Variants in CSGALNACT1 observed in about 807,000 individuals in gnomAD.
CSGALNACT1 encodes the protein beta4GalNAcT-1.
Under a neutral mutation model 51.0 loss-of-function variants are expected in CSGALNACT1, and 52 were observed. That is an observed-to-expected ratio of 1.02 (90% CI 0.82 to 1.29). The LOEUF (loss-of-function observed/expected upper bound fraction) is 1.29, where lower values mean the gene tolerates loss of function less well. Ranked by LOEUF, CSGALNACT1 falls within the 50% of genes most tolerant of loss-of-function variation. The pLI, the probability that CSGALNACT1 is intolerant of heterozygous loss-of-function variation, is 0.00. For synonymous variants in CSGALNACT1, 341 were observed against 254.4 expected, an observed-to-expected ratio of 1.34 and a Z score of -3.24; for missense variants, 935 against 679.2, an observed-to-expected ratio of 1.38 and a Z score of -4.19.
At chr8:19,706,409 A>T (rs1196677420) in intron 1 of CSGALNACT1, among the ~76,000 whole-genome samples, 1 of 152,164 alleles carries the variant, frequency 6.6e-6, no homozygotes, top group South Asian at 2.1e-4. Flanking sequence ...GGGGAAACCT[A>T]AGAGAGCAGT....
At position 19,679,225 on chromosome 8, in the gene CSGALNACT1, C is replaced by G. The variant is rs538385405; in HGVS notation, c.-544+3248G>C. On this transcript the variant is annotated intron_variant, in intron 1 of 9. Transcript: ENST00000332246. ...CCCAGCACTTTGGGAGGCCGAGTAACGTGGATCGCTTGAGCTCAGGAGTTC... is the reference window on the plus strand; with the variant it reads ...CCCAGCACTTTGGGAGGCCGAGTAAGGTGGATCGCTTGAGCTCAGGAGTTC... 2.6e-5 allele frequency among the ~76,000 whole-genome samples: 4 copies of G among 152,062 alleles called. 1 individual carries two copies. In the East Asian group the frequency reaches 7.7e-4, roughly 29 times the overall value.
chr8:19,633,948 C>T (rs886956124), intron 1 of CSGALNACT1, among the ~76,000 whole-genome samples: 2 of 152,102 alleles, frequency 1.3e-5, no homozygotes, highest in Non-Finnish European at 1.5e-5. Flanking sequence ...AGACTTCTTT[C>T]CCAACCGAGG....
At chr8:19,538,876 C>T (rs1441616587) in intron 3 of CSGALNACT1, among the ~76,000 whole-genome samples, 7 of 152,060 alleles carry the variant, frequency 4.6e-5, no homozygotes, top group African/African-American at 1.7e-4. Flanking sequence ...TCAACCTTGC[C>T]GCTGAGCTAG....
intron 1 of CSGALNACT1, among the ~76,000 whole-genome samples, chr8:19,621,084 C>A (rs2053765717): frequency 6.6e-6 from 1 of 152,020 alleles, no homozygotes; most frequent in Non-Finnish European, 1.5e-5. Context: ...TCAGGAAAAC[C>A]ATAATAAAGA....
At chr8:19,682,072 T>G (rs766615310) in intron 1 of CSGALNACT1, among the ~76,000 whole-genome samples, 2 of 152,156 alleles carry the variant, frequency 1.3e-5, no homozygotes, top group Non-Finnish European at 2.9e-5. Context: ...GACAAGAAAC[T>G]TGAGGAGTCT....
chr8:19,579,761 C>G (rs2045148492), intron 3 of CSGALNACT1, among the ~76,000 whole-genome samples: 1 of 152,230 alleles, frequency 6.6e-6, no homozygotes, highest in Non-Finnish European at 1.5e-5. Flanking sequence ...TGCCTACCCT[C>G]TTTTCCCATA....
chr8:19,420,487 G>C (rs780567323), exon 7 of CSGALNACT1: 4 of 1,614,130 alleles, frequency 2.5e-6, no homozygotes, highest in Non-Finnish European at 3.4e-6. Context: ...CCATTCAGCT[G>C]GATGAAGGTA....
intron 1 of CSGALNACT1, among the ~76,000 whole-genome samples, chr8:19,747,839 G>A (rs1251582995): frequency 6.6e-6 from 1 of 151,648 alleles, no homozygotes; most frequent in Non-Finnish European, 1.5e-5. Context: ...AAGAAAAAAA[G>A]AAAGATAAAG....
intron 6 of CSGALNACT1, among the ~76,000 whole-genome samples, chr8:19,430,513 A>G (rs994869511): frequency 3.3e-5 from 5 of 152,196 alleles, no homozygotes; most frequent in East Asian, 1.9e-4. Flanking sequence ...TAAAAATCAA[A>G]TGACCATAAA....
intron 4 of CSGALNACT1, among the ~76,000 whole-genome samples, chr8:19,499,574 T>G (rs2076064678): frequency 6.6e-6 from 1 of 152,226 alleles, no homozygotes; most frequent in Non-Finnish European, 1.5e-5. Context: ...ATTTGCCAGC[T>G]TCTGCAATTG....
chr8:19,735,824 T>C (rs2063937034), intron 1 of CSGALNACT1, among the ~76,000 whole-genome samples: 1 of 152,158 alleles, frequency 6.6e-6, no homozygotes, highest in Non-Finnish European at 1.5e-5. Flanking sequence ...TAGAATAATA[T>C]GTCAATTGAA....
chr8:19,671,591 A>G (rs1347828795), intron 1 of CSGALNACT1, among the ~76,000 whole-genome samples: 2 of 152,194 alleles, frequency 1.3e-5, no homozygotes, highest in African/African-American at 4.8e-5. Context: ...AAAAACAGAC[A>G]AACTTCCCTG....
chr8:19,636,275 T>C (rs2975424), intron 1 of CSGALNACT1, among the ~76,000 whole-genome samples: 27,038 of 152,178 alleles, frequency 0.18, 2,587 homozygotes, highest in African/African-American at 0.22. Context: ...TTGGTTATTG[T>C]TGGTAATCTC....
In CSGALNACT1 at chr8:19,706,718, G is replaced by A. The variant is rs548601546; in HGVS notation, c.-297+51132C>T. ...CCAGACATCAGGTGTGGGCACTCCC[G>A]GCTCAAGCAATCCTCCTCACCAAGC... On this transcript the variant is annotated intron_variant, in intron 1 of 1. Coordinates refer to the CSGALNACT1 transcript ENST00000517494. Among the ~76,000 whole-genome samples the A allele has an allele frequency of 2.4e-3, 366 of 152,176 alleles. 1 individual carries two copies. The highest frequency in any genetic ancestry group is 8.3e-3 in the African/African-American group (346 of 41,496).
chr8:19,629,407 A>C (rs2054903503), intron 1 of CSGALNACT1, among the ~76,000 whole-genome samples: 1 of 152,186 alleles, frequency 6.6e-6, no homozygotes, highest in Admixed American at 6.5e-5. Context: ...TGTCTGTTTG[A>C]ATCCTCGTAG....
At chr8:19,737,181 T>C (rs2064031708) in intron 1 of CSGALNACT1, among the ~76,000 whole-genome samples, 1 of 152,072 alleles carries the variant, frequency 6.6e-6, no homozygotes, top group African/African-American at 2.4e-5. Flanking sequence ...GAAGTTACTG[T>C]CAGATAAATA....
intron 1 of CSGALNACT1, among the ~76,000 whole-genome samples, chr8:19,666,021 A>G (rs569295213): frequency 1.7e-4 from 26 of 152,210 alleles, no homozygotes; most frequent in Middle Eastern, 3.4e-3. Flanking sequence ...CAGCTCTCAC[A>G]TGGCAGTCCA....
rs1305336922 is a variant in CSGALNACT1, at chr8:19,654,633, C to G, written c.-544+27840G>C. Among the ~76,000 whole-genome samples the G allele has an allele frequency of 3.3e-5, 5 of 152,104 alleles. No individual in the cohort carries two copies. In the East Asian group the frequency reaches 9.6e-4, roughly 29 times the overall value. ...GATGTCAGCTCACTTGAACCTCTGC[C>G]TCCAGAGCTCAAGCTATCCTCCCAC... On this transcript the variant is annotated intron_variant, in intron 1 of 9. Coordinates refer to the CSGALNACT1 transcript ENST00000332246.
Position 19,448,669 on chromosome 8 carries a change from C to T in CSGALNACT1, c.852-8738G>A, listed in dbSNP as rs147377684. On this transcript the variant is annotated intron_variant, in intron 5 of 9. Coordinates refer to ENST00000454498, the Ensembl canonical transcript of CSGALNACT1. ...AGCCTTGATAGGTGAGTAGCCACCC[C>T]GCACATGAACAAGGGCAGAGGCAGG... is the stretch of plus-strand genomic sequence containing the variant. 4.2e-3 allele frequency among the ~76,000 whole-genome samples: 637 copies of T among 152,178 alleles called. 9 individuals carry two copies. Among genetic ancestry groups the T allele is most frequent in the East Asian group, 0.032 (168 of 5,184 alleles).
Sources: allele counts gnomAD v4.1 joint callset (sites outside exome capture counted in the v4.1 genomes callset), GRCh38; gene constraint gnomAD v4.1.1; transcripts MANE v1.5; gene names NCBI Gene and HGNC (gene_info 2026-07-23, HGNC 2026-07-21).